The following TRMT11 variants were observed in gnomAD, a reference collection of about 807,000 sequenced individuals.
TRMT11 encodes tRNA methyltransferase 11, also known as tRNA (guanine(10)-N(2))-methyltransferase TRMT11.
TRMT11 carries 53 observed loss-of-function variants against 62.8 expected under a neutral mutation model. The ratio of observed to expected loss-of-function variants is 0.84; its 90% CI spans 0.68 to 1.06. The LOEUF is 1.06. Among genes scored for constraint, TRMT11 ranks in the 50% least tolerant of loss-of-function variants. The pLI, the probability that TRMT11 is intolerant of heterozygous loss-of-function variation, is 0.00. For synonymous variants in TRMT11, 188 were observed against 190.3 expected, an observed-to-expected ratio of 0.99 and a Z score of 0.10; for missense variants, 556 against 553.4, an observed-to-expected ratio of 1.00 and a Z score of -0.05.
At position 126,106,667 on chromosome 6, in the gene TRMT11, A is replaced by C. The variant is rs528123382; in HGVS notation, c.*1438-6199A>C. 2.6e-5 allele frequency among the ~76,000 whole-genome samples: 4 copies of C among 152,272 alleles called. No homozygotes were observed. In the East Asian group the frequency reaches 7.7e-4, roughly 29 times the overall value. ...GAATATTTTCCTCCTGCTAAGCTCT[A>C]CTTTACTTCTCTGTAGAATGGGGGA... On this transcript the variant is annotated intron_variant and NMD_transcript_variant, in intron 17 of 22. Transcript: ENST00000648977.
intron 12 of TRMT11, among the ~76,000 whole-genome samples, chr6:126,025,389 G>A (rs1336765688): frequency 6.6e-6 from 1 of 151,870 alleles, no homozygotes; most frequent in Admixed American, 6.6e-5. Flanking sequence ...ATTTTTGTCA[G>A]GTTTACTTTT....
intron 21 of TRMT11, among the ~76,000 whole-genome samples, chr6:126,136,533 C>T (rs1220252560): frequency 6.6e-6 from 1 of 151,518 alleles, no homozygotes; most frequent in African/African-American, 2.4e-5. Flanking sequence ...ATATCCCATG[C>T]CATGGATGAT....
At chr6:126,099,655 G>A (rs1304927976) in intron 17 of TRMT11, among the ~76,000 whole-genome samples, 5 of 152,214 alleles carry the variant, frequency 3.3e-5, no homozygotes, top group Non-Finnish European at 7.3e-5. Flanking sequence ...GCTGAGGCAA[G>A]AGAATCACTT....
Position 126,155,135 on chromosome 6 carries a change from G to T in TRMT11, c.*1824-19690G>T, listed in dbSNP as rs141880152. ...CTATTCTGCAGCCTATACAAGCATG[G>T]CTCCAGCATCTTCTTATGGGGCCCG... On this transcript the variant is annotated intron_variant and NMD_transcript_variant, in intron 21 of 22. Coordinates refer to the TRMT11 transcript ENST00000648977. 1.3e-4 allele frequency among the ~76,000 whole-genome samples: 20 copies of T among 152,300 alleles called. No homozygotes were observed. The East Asian group carries it at 3.9e-3, about 29-fold the overall frequency.
chr6:126,108,111 C>G (rs967586965), intron 17 of TRMT11, among the ~76,000 whole-genome samples: 4 of 152,148 alleles, frequency 2.6e-5, no homozygotes, highest in African/African-American at 9.7e-5. Flanking sequence ...AAGTCTTCCC[C>G]TGGGAGGCAA....
At position 126,147,092 on chromosome 6, in the gene TRMT11, G is replaced by A. The variant is rs141136433; in HGVS notation, c.*1824-27733G>A. 6.5e-3 allele frequency among the ~76,000 whole-genome samples: 253 copies of A among 38,702 alleles called. 91 individuals are homozygous for A. Among genetic ancestry groups the A allele is most frequent in the African/African-American group, 0.029 (243 of 8,298 alleles). The allele number at this position is 38,702 out of a possible 152,430, so 25.4% of individuals were successfully genotyped here. On this transcript the variant is annotated intron_variant and NMD_transcript_variant, in intron 21 of 22. Transcript: ENST00000648977. ...GGGATAAGATGACCTTCCTGAAGAG[G>A]TGAGGATTGAATTGGGCCTGGAAGA...
chr6:126,169,413 ATTTGGGCAAC>A (rs1367705891), intron 21 of TRMT11, among the ~76,000 whole-genome samples: 3 of 152,232 alleles, frequency 2.0e-5, no homozygotes, highest in African/African-American at 4.8e-5. Flanking sequence ...ATCTAAATGT[ATTTGGGCAAC>A]AATGGTGCTT....
At chr6:126,246,473 C>T in the TRMT11 span, among the ~76,000 whole-genome samples, 1 of 152,194 alleles carries the variant, frequency 6.6e-6, no homozygotes, top group East Asian at 1.9e-4. Flanking sequence ...TAGTGAGTAG[C>T]TCAGAAACTG....
intron 1 of TRMT11, among the ~76,000 whole-genome samples, chr6:126,182,179 G>A (rs939970444): frequency 1.3e-5 from 2 of 152,176 alleles, no homozygotes; most frequent in African/African-American, 4.8e-5. Flanking sequence ...ATGGGATTGA[G>A]AACCTTTCTA....
intron 17 of TRMT11, among the ~76,000 whole-genome samples, chr6:126,093,585 G>GTATGTATATATATATATATA (rs1554236807): frequency 2.1e-5 from 1 of 46,662 alleles, no homozygotes; most frequent in Admixed American, 2.7e-4. Context: ...GGATATGTAT[G>GTATGTATATATATATATATA]TATATATATA....
intron 1 of TRMT11, among the ~76,000 whole-genome samples, chr6:126,180,501 A>T (rs2128240656): frequency 6.6e-6 from 1 of 152,326 alleles, no homozygotes; most frequent in African/African-American, 2.4e-5. Context: ...TGCAGGGAAA[A>T]TTTGGCAAAG....
At chr6:126,151,933 T>TTCTTTCTTTCTTTCTTTC (rs1415285406) in intron 21 of TRMT11, among the ~76,000 whole-genome samples, 2 of 107,288 alleles carry the variant, frequency 1.9e-5, no homozygotes, top group Non-Finnish European at 3.8e-5. Context: ...CTTTCTTTCT[T>TTCTTTCTTTCTTTCTTTC]TCTTTCTTTC....
chr6:126,265,954 C>T, the TRMT11 span, among the ~76,000 whole-genome samples: 2 of 152,140 alleles, frequency 1.3e-5, no homozygotes, highest in African/African-American at 4.8e-5. Flanking sequence ...CATCCATGTT[C>T]CTATAAACCC....
Position 126,013,913 on chromosome 6 carries a change from G to C in TRMT11, c.1139+812G>C, listed in dbSNP as rs1794630281. 2.0e-5 allele frequency among the ~76,000 whole-genome samples: 3 copies of C among 152,138 alleles called. No individual in the cohort carries two copies. In the South Asian group the frequency reaches 6.2e-4, roughly 32 times the overall value. On this transcript the variant is annotated intron_variant, in intron 11 of 12. Transcript: ENST00000334379. Reference sequence around the variant, plus strand: ...TGTAATTTTCAACAGCTTAGCTAAAGGATTCACGCTTCTGCTACCTTCTAA... The same window carrying C: ...TGTAATTTTCAACAGCTTAGCTAAACGATTCACGCTTCTGCTACCTTCTAA...
At chr6:126,031,441 C>T (rs1774179468) in intron 12 of TRMT11, among the ~76,000 whole-genome samples, 1 of 152,118 alleles carries the variant, frequency 6.6e-6, no homozygotes, top group South Asian at 2.1e-4. Context: ...GAAATGGCCA[C>T]TCAAACCATA....
intron 21 of TRMT11, among the ~76,000 whole-genome samples, chr6:126,134,451 C>T (rs1777826534): frequency 6.6e-6 from 1 of 151,494 alleles, no homozygotes; most frequent in Non-Finnish European, 1.5e-5. Flanking sequence ...GAGGACATAC[C>T]ATAGTAAATA....
At chr6:126,052,362 A>G (rs1437931496) in intron 16 of TRMT11, among the ~76,000 whole-genome samples, 3 of 152,188 alleles carry the variant, frequency 2.0e-5, no homozygotes, top group Non-Finnish European at 4.4e-5. Context: ...CTTTCCTCTC[A>G]TCCTTTAAAA....
At chr6:126,198,271 T>A (rs1562346774) in intron 1 of TRMT11, among the ~76,000 whole-genome samples, 1 of 152,110 alleles carries the variant, frequency 6.6e-6, no homozygotes, top group Non-Finnish European at 1.5e-5. Context: ...GGGTCAGAAA[T>A]GGAGGAAACC....
chr6:126,269,156 T>G, the TRMT11 span, among the ~76,000 whole-genome samples: 1 of 146,142 alleles, frequency 6.8e-6, no homozygotes, highest in African/African-American at 2.5e-5. Flanking sequence ...CCCAGCTACT[T>G]GGGAGGCTGA....
Sources: gnomAD v4.1 joint callset for allele counts (sites outside exome capture counted in the v4.1 genomes callset) on GRCh38, gnomAD v4.1.1 for gene constraint, MANE v1.5 for transcripts, NCBI Gene and HGNC (gene_info 2026-07-23, HGNC 2026-07-21) for gene names.